Variants in OTULIN observed in about 807,000 individuals in gnomAD.
OTULIN encodes the protein OTU deubiquitinase with linear linkage specificity.
OTULIN carries 15 observed loss-of-function variants against 39.6 expected under a neutral mutation model. That is an observed-to-expected ratio of 0.38 (90% CI 0.25 to 0.58). The LOEUF (loss-of-function observed/expected upper bound fraction) is 0.58. OTULIN is among the 20% of genes least tolerant of loss of function. The pLI is 0.66. For synonymous variants in OTULIN, 156 were observed against 170.3 expected, an observed-to-expected ratio of 0.92 and a Z score of 0.65; for missense variants, 319 against 445.9, an observed-to-expected ratio of 0.72 and a Z score of 2.56.
At chr5:14,670,829 T>C (rs927987283) in intron 1 of OTULIN, among the ~76,000 whole-genome samples, 2 of 151,892 alleles carry the variant, frequency 1.3e-5, no homozygotes, top group African/African-American at 4.8e-5. Context: ...GGTATTGAAC[T>C]CCTGGCTTTA....
chr5:14,683,333 T>G (rs907789896), intron 4 of OTULIN, among the ~76,000 whole-genome samples: 1 of 152,162 alleles, frequency 6.6e-6, no homozygotes, highest in Admixed American at 6.5e-5. Flanking sequence ...CTTAAGCCGA[T>G]TTTTCAGTAT....
rs780770581 is a variant in OTULIN, at chr5:14,698,697, C to T, written c.*5649C>T. The T allele has an allele frequency of 3.3e-5, 5 of 152,216 alleles. No individual in the cohort carries two copies. The highest frequency in any genetic ancestry group is 6.5e-5 in the Admixed American group (1 of 15,278). The allele number at this position is 152,216 out of a possible 1,614,324, so 9.4% of individuals were successfully genotyped here. On this transcript the variant is annotated 3_prime_UTR_variant, in exon 7 of 7. Transcript: ENST00000284274. ...CATTGGGCTCTAACTTTCTGGCACC[C>T]GCAAGGCAGACCTATGATGTCCACA...
At chr5:14,686,922 A>G (rs1178187506) in intron 4 of OTULIN, among the ~76,000 whole-genome samples, 2 of 152,240 alleles carry the variant, frequency 1.3e-5, no homozygotes, top group African/African-American at 4.8e-5. Flanking sequence ...TTTCAATTGT[A>G]TGTTTTATCT....
chr5:14,674,763 TAAAAA>T (rs986983555), intron 2 of OTULIN, among the ~76,000 whole-genome samples: 6 of 151,584 alleles, frequency 4.0e-5, no homozygotes, highest in African/African-American at 1.5e-4. Context: ...AAAAAAAAAA[TAAAAA>T]ATAAAAATAT....
At chr5:14,668,593 T>C (rs746173911) in intron 1 of OTULIN, among the ~76,000 whole-genome samples, 11 of 152,290 alleles carry the variant, frequency 7.2e-5, no homozygotes, top group Non-Finnish European at 1.6e-4. Flanking sequence ...GTGTTGACAT[T>C]AGTCTCATAG....
intron 6 of OTULIN, among the ~76,000 whole-genome samples, chr5:14,691,263 T>A (rs1283933362): frequency 6.6e-6 from 1 of 152,196 alleles, no homozygotes; most frequent in Non-Finnish European, 1.5e-5. Flanking sequence ...TGTGCCTGCT[T>A]TTTTCTAAAA....
intron 5 of OTULIN, 103 bp downstream of exon 5, chr5:14,687,749 C>T (rs553425645): frequency 7.1e-7 from 1 of 1,415,564 alleles, no homozygotes; most frequent in East Asian, 2.4e-5. Context: ...TTCAAATGCT[C>T]TTGGCTGATT....
At chr5:14,692,824 C>T in intron 6 of OTULIN, 30 bp from the exon 7 acceptor site, 1 of 1,603,614 alleles carries the variant, frequency 6.2e-7, no homozygotes, top group Non-Finnish European at 8.5e-7. Flanking sequence ...TGTGATCTTC[C>T]TCAGAATACC....
At chr5:14,711,260 C>T in the OTULIN span, 1 of 1,614,184 alleles carries the variant, frequency 6.2e-7, no homozygotes, top group Non-Finnish European at 8.5e-7. Context: ...GCATGTCTGT[C>T]ATGGCAGAGT....
the OTULIN span, among the ~76,000 whole-genome samples, chr5:14,714,856 G>T: frequency 6.6e-6 from 1 of 152,232 alleles, no homozygotes; most frequent in Non-Finnish European, 1.5e-5. Context: ...GCTATAGCCT[G>T]CTCCCAGCTG....
At chr5:14,689,819 T>A (rs1736478726) in intron 5 of OTULIN, among the ~76,000 whole-genome samples, 1 of 152,206 alleles carries the variant, frequency 6.6e-6, no homozygotes, top group Non-Finnish European at 1.5e-5. Flanking sequence ...TGCTTCTTAT[T>A]GCATTGTATT....
chr5:14,673,275 C>T (rs193240736), intron 1 of OTULIN, among the ~76,000 whole-genome samples: 2 of 152,342 alleles, frequency 1.3e-5, no homozygotes. Flanking sequence ...GCACTATCTC[C>T]ATTCTTGGAA....
At chr5:14,692,572 A>G (rs973804023) in intron 6 of OTULIN, among the ~76,000 whole-genome samples, 2 of 151,950 alleles carry the variant, frequency 1.3e-5, no homozygotes, top group Admixed American at 6.6e-5. Context: ...TCCTTTGCCT[A>G]ATTTTTAAGC....
the OTULIN span, among the ~76,000 whole-genome samples, chr5:14,712,000 CT>C: frequency 6.6e-6 from 1 of 152,244 alleles, no homozygotes; most frequent in Admixed American, 6.5e-5. Flanking sequence ...TTGTGGCCAC[CT>C]TTTCGATGTC....
At chr5:14,689,993 T>G (rs1561001678) in intron 5 of OTULIN, 46 bp from the exon 6 acceptor site, 1 of 1,580,348 alleles carries the variant, frequency 6.3e-7, no homozygotes, top group Non-Finnish European at 8.6e-7. Context: ...ATACCAGGGA[T>G]TTTTAGAACA....
chr5:14,696,730 A>G lies in OTULIN; in HGVS notation c.*3682A>G, dbSNP rs780030675. The G allele has an allele frequency of 1.3e-5, 2 of 152,212 alleles. No homozygotes were observed. The highest frequency in any genetic ancestry group is 2.9e-5 in the Non-Finnish European group (2 of 68,028). 9.4% of individuals were successfully genotyped at this position (152,212 alleles called of 1,614,324 possible). On this transcript the variant is annotated 3_prime_UTR_variant, in exon 7 of 7. Transcript: ENST00000284274. ...ACGTGTATACAGTTTACAAATTCCTATTTCTAAAATTTAAGTCCCTTATTT... is the reference window on the plus strand; with the variant it reads ...ACGTGTATACAGTTTACAAATTCCTGTTTCTAAAATTTAAGTCCCTTATTT...
At chr5:14,679,166 T>G (rs888367136) in intron 3 of OTULIN, among the ~76,000 whole-genome samples, 1 of 152,120 alleles carries the variant, frequency 6.6e-6, no homozygotes, top group African/African-American at 2.4e-5. Flanking sequence ...TTGAGTTTGC[T>G]TACACACCCT....
the OTULIN span, among the ~76,000 whole-genome samples, chr5:14,716,519 A>T: frequency 1.3e-4 from 20 of 151,502 alleles, no homozygotes; most frequent in South Asian, 2.1e-3. Context: ...AATAAATAAA[A>T]TAAAAAGTTA....
At chr5:14,699,995 C>T (rs1252765184), downstream of OTULIN, among the ~76,000 whole-genome samples, 1 of 152,188 alleles carries the variant, frequency 6.6e-6, no homozygotes, top group African/African-American at 2.4e-5. Flanking sequence ...AGTATGTTTC[C>T]TTAGGCTCTT....
Sources: allele counts gnomAD v4.1 joint callset (sites outside exome capture counted in the v4.1 genomes callset), GRCh38; gene constraint gnomAD v4.1.1; transcripts MANE v1.5; gene names NCBI Gene and HGNC (gene_info 2026-07-23, HGNC 2026-07-21).